The following NEDD4L variants were observed in gnomAD, a reference collection of about 807,000 sequenced individuals.
NEDD4L encodes NEDD4 like E3 ubiquitin protein ligase.
Under a neutral mutation model 148.9 loss-of-function variants are expected in NEDD4L, and 54 were observed. That is an observed-to-expected ratio of 0.36 (90% CI 0.29 to 0.45). The LOEUF (loss-of-function observed/expected upper bound fraction) is 0.45. Ranked by LOEUF, NEDD4L falls within the 20% of genes least tolerant of loss-of-function variation. The pLI, the probability that NEDD4L is intolerant of heterozygous loss-of-function variation, is 1.00. For synonymous variants in NEDD4L, 433 were observed against 440.7 expected, an observed-to-expected ratio of 0.98 and a Z score of 0.22; for missense variants, 856 against 1,233.8, an observed-to-expected ratio of 0.69 and a Z score of 4.59.
chr18:58,287,878 G>T (rs2054167596), intron 5 of NEDD4L, among the ~76,000 whole-genome samples: 1 of 152,130 alleles, frequency 6.6e-6, no homozygotes, highest in South Asian at 2.1e-4. Context: ...GGGTGGGGCA[G>T]ATTCTCTCAC....
intron 24 of NEDD4L, among the ~76,000 whole-genome samples, chr18:58,375,168 G>C (rs576263410): frequency 6.6e-6 from 1 of 151,968 alleles, no homozygotes; most frequent in African/African-American, 2.4e-5. Context: ...GCCCAGGCTT[G>C]CTGTGCCCCG....
chr18:58,225,435 C>T (rs1044836958), intron 2 of NEDD4L, among the ~76,000 whole-genome samples: 1 of 152,240 alleles, frequency 6.6e-6, no homozygotes, highest in Non-Finnish European at 1.5e-5. Context: ...CTTCATCTGC[C>T]TGATGCTGGG....
chr18:58,045,444 T>C (rs78313054), intron 1 of NEDD4L: 22,232 of 274,870 alleles, frequency 0.081, 1,320 homozygotes, highest in African/African-American at 0.2. Flanking sequence ...TTGATCTCTT[T>C]TATTAATAAA....
intron 2 of NEDD4L, among the ~76,000 whole-genome samples, chr18:58,173,821 C>T (rs2037787007): frequency 1.3e-5 from 2 of 152,212 alleles, no homozygotes; most frequent in Admixed American, 1.3e-4. Context: ...ATCTGAACTT[C>T]CCCAGCTGAC....
At chr18:58,272,821 C>G (rs950167808) in intron 5 of NEDD4L, among the ~76,000 whole-genome samples, 1 of 152,194 alleles carries the variant, frequency 6.6e-6, no homozygotes, top group East Asian at 1.9e-4. Flanking sequence ...GTACATAAGA[C>G]AGATGTGGCC....
chr18:58,052,401 A>G (rs2081914104), intron 1 of NEDD4L, among the ~76,000 whole-genome samples: 1 of 152,146 alleles, frequency 6.6e-6, no homozygotes, highest in African/African-American at 2.4e-5. Flanking sequence ...GAAAAGCCTT[A>G]TTATATAAGT....
intron 2 of NEDD4L, among the ~76,000 whole-genome samples, chr18:58,204,830 GCTATAAAAAGCA>G (rs1419221308): frequency 2.0e-5 from 3 of 152,190 alleles, no homozygotes; most frequent in African/African-American, 7.2e-5. Context: ...GCAAGAAGGT[GCTATAAAAAGCA>G]CTAGAGGTCA....
chr18:58,344,661 T>A (rs1601515399), intron 16 of NEDD4L, among the ~76,000 whole-genome samples: 1 of 152,338 alleles, frequency 6.6e-6, no homozygotes, highest in Non-Finnish European at 1.5e-5. Context: ...GTTACAGATT[T>A]GCAAGCAAGC....
intron 1 of NEDD4L, among the ~76,000 whole-genome samples, chr18:58,132,973 G>A (rs1449377697): frequency 2.6e-5 from 4 of 152,292 alleles, no homozygotes; most frequent in Non-Finnish European, 4.4e-5. Context: ...ATGAATGCTG[G>A]CTTTGAAGAC....
At chr18:58,393,792 T>C (rs540078349) in intron 30 of NEDD4L, among the ~76,000 whole-genome samples, 1 of 152,370 alleles carries the variant, frequency 6.6e-6, no homozygotes, top group Admixed American at 6.5e-5. Flanking sequence ...CAATTAAAGT[T>C]CAGAATAAAA....
chr18:58,167,272 T>C (rs1372254987), intron 2 of NEDD4L, among the ~76,000 whole-genome samples: 1 of 152,218 alleles, frequency 6.6e-6, no homozygotes, highest in Non-Finnish European at 1.5e-5. Context: ...GTTCACCATG[T>C]GCCTGCACTC....
At chr18:58,168,742 G>C (rs112528226) in intron 2 of NEDD4L, among the ~76,000 whole-genome samples, 120 of 152,294 alleles carry the variant, frequency 7.9e-4, no homozygotes, top group African/African-American at 2.7e-3. Flanking sequence ...CAGGATAATG[G>C]GTGAAAGAGG....
At chr18:58,250,387 A>T (rs1173847993) in intron 4 of NEDD4L, among the ~76,000 whole-genome samples, 5 of 152,142 alleles carry the variant, frequency 3.3e-5, no homozygotes, top group Non-Finnish European at 7.3e-5. Context: ...TGACCTCGTG[A>T]TCTGCCCGCC....
At chr18:58,131,047 G>C (rs12960355) in intron 1 of NEDD4L, among the ~76,000 whole-genome samples, 2 of 132,620 alleles carry the variant, frequency 1.5e-5, no homozygotes, top group African/African-American at 2.9e-5. Context: ...TTGGGGTTTG[G>C]CTGTGATCTA....
intron 1 of NEDD4L, among the ~76,000 whole-genome samples, chr18:58,147,344 T>TG (rs911128846): frequency 6.6e-6 from 1 of 151,924 alleles, no homozygotes; most frequent in Non-Finnish European, 1.5e-5. Flanking sequence ...TTCTAGATGC[T>TG]GGGGGGCACT....
At chr18:58,119,196 C>T (rs1022847451) in intron 1 of NEDD4L, among the ~76,000 whole-genome samples, 1 of 152,232 alleles carries the variant, frequency 6.6e-6, no homozygotes, top group Non-Finnish European at 1.5e-5. Context: ...CCTTTGTCCC[C>T]ATCTTTCCCT....
intron 2 of NEDD4L, among the ~76,000 whole-genome samples, chr18:58,214,610 TGTGTGTGTG>T (rs1386325499): frequency 1.8e-5 from 1 of 54,330 alleles, no homozygotes; most frequent in Non-Finnish European, 3.6e-5. Context: ...GCTCGGTTTG[TGTGTGTGTG>T]TGTGTGTGTG....
chr18:58,363,371 T>C (rs2045732086), intron 19 of NEDD4L, among the ~76,000 whole-genome samples: 1 of 152,212 alleles, frequency 6.6e-6, no homozygotes. Context: ...AAATTCATAC[T>C]AGTGGCTAAA....
At chr18:58,124,927 G>A (rs1299750543) in intron 1 of NEDD4L, among the ~76,000 whole-genome samples, 3 of 152,166 alleles carry the variant, frequency 2.0e-5, no homozygotes, top group African/African-American at 4.8e-5. Context: ...ATGAATGGCA[G>A]GGTCTTACAC....
Sources: gnomAD v4.1 joint callset for allele counts (sites outside exome capture counted in the v4.1 genomes callset) on GRCh38, gnomAD v4.1.1 for gene constraint, MANE v1.5 for transcripts, NCBI Gene and HGNC (gene_info 2026-07-23, HGNC 2026-07-21) for gene names.